The following ANKFN1 variants were observed in gnomAD, a reference collection of about 807,000 sequenced individuals.
ANKFN1 encodes ankyrin repeat and fibronectin type-III domain-containing protein 1.
Under a neutral mutation model 108.7 loss-of-function variants are expected in ANKFN1, and 74 were observed. The observed-to-expected ratio is 0.68, with a 90% CI of 0.56 to 0.83. The LOEUF (loss-of-function observed/expected upper bound fraction) is 0.83, where lower values mean the gene tolerates loss of function less well. Among genes scored for constraint, ANKFN1 ranks in the 40% least tolerant of loss-of-function variants. ANKFN1 has a pLI of 0.00. For missense variants in ANKFN1, 1,505 were observed against 1,382.3 expected, an observed-to-expected ratio of 1.09 and a Z score of -1.41; for synonymous variants, 547 against 516.2, an observed-to-expected ratio of 1.06 and a Z score of -0.81.
chr17:56,124,684 T>C (rs895969389), intron 4 of ANKFN1, among the ~76,000 whole-genome samples: 17 of 152,220 alleles, frequency 1.1e-4, no homozygotes, highest in African/African-American at 4.1e-4. Flanking sequence ...GACTAGCCAC[T>C]AGACACAACT....
chr17:56,343,339 C>T lies in ANKFN1; in HGVS notation c.189-7427C>T, dbSNP rs552090905. On this transcript the variant is annotated intron_variant, in intron 4 of 20. Transcript: ENST00000682825. ...TTATCTGGCAGTATCTTAATTTCCT[C>T]TGTATTTTTGAAATGTAGTTTTGTT... Among the ~76,000 whole-genome samples, 45 of 151,964 alleles carry T rather than the reference C, an allele frequency of 3.0e-4. No homozygotes were observed. The South Asian group carries it at 9.3e-3, about 32-fold the overall frequency.
chr17:56,256,944 T>C (rs1429331723), intron 3 of ANKFN1, among the ~76,000 whole-genome samples: 1 of 152,230 alleles, frequency 6.6e-6, no homozygotes. Context: ...GATTCATTCA[T>C]ATTAGTCCCA....
intron 8 of ANKFN1, among the ~76,000 whole-genome samples, chr17:56,399,503 T>A (rs2047685690): frequency 2.0e-5 from 3 of 151,950 alleles, no homozygotes; most frequent in Non-Finnish European, 4.4e-5. Flanking sequence ...TTTCTGTAAG[T>A]TATTGGGGTA....
At chr17:56,144,537 G>A (rs1350278950) in intron 4 of ANKFN1, among the ~76,000 whole-genome samples, 1 of 152,228 alleles carries the variant, frequency 6.6e-6, no homozygotes, top group Non-Finnish European at 1.5e-5. Context: ...CCTCGCGGGA[G>A]TCCCTAGAAT....
At chr17:56,058,249 C>G (rs990244721) in intron 4 of ANKFN1, among the ~76,000 whole-genome samples, 1 of 152,182 alleles carries the variant, frequency 6.6e-6, no homozygotes, top group South Asian at 2.1e-4. Flanking sequence ...CTATGAAAGT[C>G]CTAGATGTTA....
intron 19 of ANKFN1, among the ~76,000 whole-genome samples, chr17:56,492,674 T>C (rs559707579): frequency 9.2e-5 from 14 of 152,246 alleles, no homozygotes; most frequent in Non-Finnish European, 1.5e-4. Context: ...TTGTAGCCCA[T>C]TGACAATTCT....
chr17:56,510,372 G>A, intron 20 of ANKFN1, 101 bp from the exon 21 acceptor site: 2 of 995,562 alleles, frequency 2.0e-6, no homozygotes, highest in Non-Finnish European at 2.9e-6. Flanking sequence ...ACGAAGCACA[G>A]GCCCCTTCTA....
intron 8 of ANKFN1, 91 bp from the exon 9 acceptor site, chr17:56,440,233 GATT>G (rs1341575318): frequency 3.2e-6 from 2 of 627,094 alleles, no homozygotes; most frequent in Admixed American, 5.2e-5. Flanking sequence ...TTCTGAGAGG[GATT>G]GTATGCTAGA....
rs183280984 is a variant in ANKFN1, at chr17:56,291,025, A to T, written c.54-35196A>T. 3.4e-3 allele frequency among the ~76,000 whole-genome samples: 516 copies of T among 152,292 alleles called. 5 individuals are homozygous for T. Among genetic ancestry groups the T allele is most frequent in the Non-Finnish European group, 4.7e-3 (322 of 68,036 alleles). ...AGAGGCAAAGAAAGGCAATATCTCAAAACCATGTCCCTCAACTCTTAAAAG... is the reference window on the plus strand; with the variant it reads ...AGAGGCAAAGAAAGGCAATATCTCATAACCATGTCCCTCAACTCTTAAAAG... On this transcript the variant is annotated intron_variant, in intron 3 of 20. Coordinates refer to ENST00000682825, the MANE Select transcript of ANKFN1 (RefSeq NM_001370326.1).
chr17:56,128,433 G>A (rs755161515), intron 4 of ANKFN1, among the ~76,000 whole-genome samples: 3 of 152,120 alleles, frequency 2.0e-5, no homozygotes, highest in Non-Finnish European at 4.4e-5. Flanking sequence ...TTAGCCAAAC[G>A]AAGAAAGCCT....
chr17:56,196,433 C>G (rs542779183), intron 1 of ANKFN1, among the ~76,000 whole-genome samples: 1 of 152,218 alleles, frequency 6.6e-6, no homozygotes, highest in East Asian at 1.9e-4. Context: ...GGATCAAGTG[C>G]CTTTCAATCC....
intron 3 of ANKFN1, among the ~76,000 whole-genome samples, chr17:56,266,054 T>G (rs1041011669): frequency 1.3e-5 from 2 of 152,182 alleles, no homozygotes; most frequent in African/African-American, 4.8e-5. Flanking sequence ...AGTAGATAAC[T>G]TTTATAAGCT....
intron 3 of ANKFN1, among the ~76,000 whole-genome samples, chr17:56,255,861 T>C (rs1304126338): frequency 1.3e-5 from 2 of 152,176 alleles, no homozygotes; most frequent in East Asian, 1.9e-4. Context: ...AAAATTACCA[T>C]GGAGAAAACT....
At chr17:56,159,236 C>T (rs1031679780) in intron 1 of ANKFN1, among the ~76,000 whole-genome samples, 4 of 152,106 alleles carry the variant, frequency 2.6e-5, no homozygotes, top group South Asian at 2.1e-4. Flanking sequence ...ATGTGAAGTG[C>T]GACATTTTGT....
chr17:56,305,674 G>T (rs34374485), intron 3 of ANKFN1, among the ~76,000 whole-genome samples: 16,560 of 152,188 alleles, frequency 0.11, 958 homozygotes, highest in African/African-American at 0.16. Flanking sequence ...ATTTTTTAAT[G>T]TTATGGATGT....
chr17:56,351,067 T>C, intron 5 of ANKFN1, 100 bp downstream of exon 5: 1 of 1,226,364 alleles, frequency 8.2e-7, no homozygotes, highest in Non-Finnish European at 1.1e-6. Flanking sequence ...CAGAAGTTGA[T>C]GCTTGCAATT....
At chr17:56,416,037 A>G (rs1309478006) in intron 8 of ANKFN1, among the ~76,000 whole-genome samples, 1 of 152,178 alleles carries the variant, frequency 6.6e-6, no homozygotes, top group Non-Finnish European at 1.5e-5. Flanking sequence ...CTAGACCTCT[A>G]TCTCTCACCA....
intron 8 of ANKFN1, among the ~76,000 whole-genome samples, chr17:56,391,212 CATATATATATATATATAT>C (rs202114506): frequency 1.6e-4 from 19 of 121,418 alleles, no homozygotes; most frequent in African/African-American, 5.7e-4. Flanking sequence ...CCCAAGAATA[CATATATATATATATATAT>C]ATATATATAT....
intron 18 of ANKFN1, among the ~76,000 whole-genome samples, chr17:56,486,998 T>C (rs1030709737): frequency 5.9e-5 from 9 of 152,188 alleles, no homozygotes; most frequent in Admixed American, 2.0e-4. Flanking sequence ...CAGCACTGCA[T>C]AGATCTAGCA....
Sources: gnomAD v4.1 joint callset for allele counts (sites outside exome capture counted in the v4.1 genomes callset) on GRCh38, gnomAD v4.1.1 for gene constraint, MANE v1.5 for transcripts, NCBI Gene and HGNC (gene_info 2026-07-23, HGNC 2026-07-21) for gene names.